The following RAB33A variants were observed in gnomAD, a reference collection of about 807,000 sequenced individuals.
The protein encoded by RAB33A is RAB33A, member RAS oncogene family, also known as ras-related protein Rab-33A.
A neutral mutation model predicts 12.0 loss-of-function variants in RAB33A; 6 were observed. The observed-to-expected ratio is 0.50, with a 90% CI of 0.27 to 0.99. The LOEUF is 0.99. RAB33A is among the 50% of genes least tolerant of loss of function. The pLI is 0.11. For synonymous variants in RAB33A, 70 were observed against 82.4 expected (o/e 0.85, Z 0.81); for missense variants, 109 against 192.0 (o/e 0.57, Z 2.55).
the RAB33A span, chrX:130,166,007 G>A: frequency 3.4e-6 from 1 of 290,436 alleles, no homozygotes; most frequent in Non-Finnish European, 6.3e-6. Flanking sequence ...GACTGAACGA[G>A]TTAAGGAACC....
chrX:130,111,008 G>A, the RAB33A span, among the ~76,000 whole-genome samples: 2 of 96,377 alleles, frequency 2.1e-5, no homozygotes, highest in African/African-American at 7.6e-5. Flanking sequence ...GGCGGGCGGG[G>A]TGGGGGAGGG....
At chrX:130,134,088 T>C in the RAB33A span, among the ~76,000 whole-genome samples, 2 of 110,135 alleles carry the variant, frequency 1.8e-5, no homozygotes, top group African/African-American at 6.6e-5. Context: ...ATACAAAAAA[T>C]TAGGCGTGTG....
upstream of RAB33A, among the ~76,000 whole-genome samples, chrX:130,168,466 G>A (rs771044664): frequency 7.2e-5 from 8 of 110,683 alleles, no homozygotes; most frequent in Admixed American, 9.5e-5. Flanking sequence ...CGCCCGCCTC[G>A]GCCTCCCAAA....
Position 130,184,504 on chromosome X carries a change from C to T in RAB33A, c.478C>T (p.Gln160Ter). 1 of 1,211,645 alleles carries T rather than the reference C, an allele frequency of 8.3e-7. No individual in the cohort carries two copies. The highest frequency in any genetic ancestry group is 1.1e-6 in the Non-Finnish European group (1 of 895,156). Residue 160 changes from glutamine (Q) to a stop codon, truncating the protein, a stop_gained, in exon 2 of 2, where the codon CAG becomes TAG. Transcript: ENST00000257017. LOFTEE classifies it high-confidence loss of function. ...GNKCDLREQI[Q>*]VPSNLALKFA... Reference sequence around the variant, plus strand: ...CAAGTGTGACTTGAGGGAACAGATCCAGGTGCCCTCCAACTTAGCCCTGAA... The same window carrying T: ...CAAGTGTGACTTGAGGGAACAGATCTAGGTGCCCTCCAACTTAGCCCTGAA...
At chrX:130,122,570 G>C in the RAB33A span, among the ~76,000 whole-genome samples, 4 of 112,315 alleles carry the variant, frequency 3.6e-5, no homozygotes, top group African/African-American at 9.7e-5. Flanking sequence ...TAGGAGCAAG[G>C]GGGGGTGGGA....
At chrX:130,158,750 A>G in the RAB33A span, among the ~76,000 whole-genome samples, 1 of 107,300 alleles carries the variant, frequency 9.3e-6, no homozygotes, top group East Asian at 2.9e-4. Flanking sequence ...AAAATCTCAT[A>G]ATGTTTTAAG....
At chrX:130,158,933 G>A in the RAB33A span, among the ~76,000 whole-genome samples, 3 of 110,486 alleles carry the variant, frequency 2.7e-5, no homozygotes, top group East Asian at 2.8e-4. Flanking sequence ...CTTTCATAAC[G>A]TTAGGCCACA....
the RAB33A span, among the ~76,000 whole-genome samples, chrX:130,161,059 C>T: frequency 1.6e-4 from 18 of 111,317 alleles, no homozygotes; most frequent in Admixed American, 4.8e-4. Context: ...AAGTTCATTT[C>T]TGTAGGTTTT....
the RAB33A span, among the ~76,000 whole-genome samples, chrX:130,123,981 T>A: frequency 8.9e-6 from 1 of 111,971 alleles, no homozygotes; most frequent in Admixed American, 9.5e-5. Flanking sequence ...ATGCCAGTAA[T>A]CCCAGCACTA....
chrX:130,129,310 T>C, the RAB33A span: 2 of 408,542 alleles, frequency 4.9e-6, no homozygotes, highest in East Asian at 8.5e-5. Context: ...TGCTTTCTAA[T>C]ATGCGTGGCT....
the RAB33A span, among the ~76,000 whole-genome samples, chrX:130,125,301 C>G: frequency 9.0e-6 from 1 of 111,466 alleles, no homozygotes; most frequent in African/African-American, 3.3e-5. Flanking sequence ...ATATTTAGAC[C>G]CTCCCTGTCC....
At chrX:130,137,914 T>C in the RAB33A span, 8 of 209,030 alleles carry the variant, frequency 3.8e-5, no homozygotes, top group Non-Finnish European at 5.9e-5. Flanking sequence ...AATACAAAAT[T>C]AGCCAGGTGT....
At chrX:130,147,684 A>C in the RAB33A span, 1 of 1,209,922 alleles carries the variant, frequency 8.3e-7, no homozygotes, top group African/African-American at 1.7e-5. Context: ...CAAATGTCAA[A>C]GCATTCACAT....
chrX:130,145,604 T>C, the RAB33A span: 1 of 1,045,006 alleles, frequency 9.6e-7, no homozygotes, highest in African/African-American at 1.9e-5. Context: ...ATTATAAGCA[T>C]GTGGAACTGT....
the RAB33A span, chrX:130,110,779 G>C: frequency 1.9e-5 from 2 of 105,655 alleles, no homozygotes; most frequent in Admixed American, 9.9e-5. Context: ...CGCGGGGAGC[G>C]GGGCGGACGC....
At chrX:130,150,537 G>A in the RAB33A span, among the ~76,000 whole-genome samples, 7 of 103,423 alleles carry the variant, frequency 6.8e-5, no homozygotes, top group African/African-American at 2.4e-4. Flanking sequence ...GGGTTTCACC[G>A]TTTTAGCCGG....
chrX:130,116,499 G>A, the RAB33A span, among the ~76,000 whole-genome samples: 1 of 111,097 alleles, frequency 9.0e-6, no homozygotes, highest in Non-Finnish European at 1.9e-5. Flanking sequence ...TTACTGTGTT[G>A]GCCAGGCTGG....
the RAB33A span, chrX:130,147,725 T>G: frequency 4.1e-6 from 5 of 1,211,986 alleles, no homozygotes; most frequent in Non-Finnish European, 5.6e-6. Flanking sequence ...GTACCCTCTG[T>G]GCCAAGCAAA....
At chrX:130,131,478 T>A in the RAB33A span, among the ~76,000 whole-genome samples, 1 of 112,225 alleles carries the variant, frequency 8.9e-6, no homozygotes, top group Non-Finnish European at 1.9e-5. Context: ...AATCTATGCT[T>A]TGACCAGGAT....
Sources: allele counts gnomAD v4.1 joint callset (sites outside exome capture counted in the v4.1 genomes callset), GRCh38; gene constraint gnomAD v4.1.1; transcripts MANE v1.5; gene names NCBI Gene and HGNC (gene_info 2026-07-23, HGNC 2026-07-21).